The following FANCA variants were observed in gnomAD, a reference collection of about 807,000 sequenced individuals.
FANCA encodes FA complementation group A.
A neutral mutation model predicts 194.3 loss-of-function variants in FANCA; 236 were observed. That is an observed-to-expected ratio of 1.21 (90% confidence interval 1.09 to 1.35). FANCA has a LOEUF of 1.35. Among genes scored for constraint, FANCA ranks in the 40% most tolerant of loss-of-function variants. FANCA has a pLI of 0.00. For missense variants in FANCA, 2,628 were observed against 1,813.9 expected, an observed-to-expected ratio of 1.45 and a Z score of -8.15; for synonymous variants, 1,014 against 715.8, an observed-to-expected ratio of 1.42 and a Z score of -6.65.
chr16:89,755,077 C>G (rs2038723971), intron 30 of FANCA, among the ~76,000 whole-genome samples: 4 of 152,198 alleles, frequency 2.6e-5, no homozygotes, highest in African/African-American at 9.7e-5. Flanking sequence ...AACAAACCCT[C>G]ACACGAGCAG....
intron 15 of FANCA, among the ~76,000 whole-genome samples, chr16:89,783,473 C>A (rs2039791115): frequency 6.6e-6 from 1 of 151,642 alleles, no homozygotes; most frequent in Admixed American, 6.6e-5. Context: ...ATGGCGGGAA[C>A]CCAGGAGGCG....
At chr16:89,814,741 G>T (rs1281940948) in intron 2 of FANCA, 128 bp from the exon 3 acceptor site, 3 of 690,824 alleles carry the variant, frequency 4.3e-6, no homozygotes, top group Non-Finnish European at 7.9e-6. Flanking sequence ...AAGAGTTCGA[G>T]ACCAGCCTGG....
At chr16:89,784,823 G>C (rs1229656041) in intron 15 of FANCA, 31 bp downstream of exon 15, 5 of 1,545,960 alleles carry the variant, frequency 3.2e-6, no homozygotes, top group African/African-American at 1.4e-5. Context: ...CGAAGCACCA[G>C]AAATCATGGA....
intron 14 of FANCA, chr16:89,791,021 GTGTTTTT>G: frequency 4.5e-6 from 1 of 222,692 alleles, no homozygotes; most frequent in African/African-American, 3.6e-5. Context: ...GTGTGTGTGT[GTGTTTTT>G]TTTTTTTTTT....
chr16:89,742,683 C>G, intron 37 of FANCA, 117 bp downstream of exon 37: 1 of 753,842 alleles, frequency 1.3e-6, no homozygotes, highest in Non-Finnish European at 2.1e-6. Context: ...AAAAGTCTTG[C>G]TCCAAGCCAC....
intron 29 of FANCA, 102 bp from the exon 30 acceptor site, chr16:89,758,807 T>A: frequency 1.9e-6 from 3 of 1,563,518 alleles, no homozygotes; most frequent in Non-Finnish European, 2.6e-6. Context: ...ACAGCACTAG[T>A]GAGAGCTGGG....
At position 89,742,842 on chromosome 16, in the gene FANCA, GTT is replaced by G; in HGVS notation, c.3721_3722del (p.Asn1241HisfsTer36). On this transcript the variant is annotated frameshift_variant, in exon 37 of 43. Transcript: ENST00000389301. LOFTEE classifies it high-confidence loss of function. ...HFAIQQVREE[N>X]IRKQLKKLDC... is the part of the protein sequence containing the mutation. ...CCAGCTTCTTTAGCTGCTTCCTGAT[GTT>G]TTCTTCCCTGACTTGTTGAATCGCA... is the stretch of plus-strand genomic sequence containing the variant. The G allele has an allele frequency of 6.2e-7, 1 of 1,614,138 alleles. No individual in the cohort carries two copies. Among genetic ancestry groups the G allele is most frequent in the Non-Finnish European group, 8.5e-7 (1 of 1,180,014 alleles).
intron 38 of FANCA, chr16:89,740,379 C>A: frequency 2.0e-6 from 1 of 507,144 alleles, no homozygotes; most frequent in African/African-American, 1.9e-5. Flanking sequence ...GTGGCTCATG[C>A]CTGTAATCCC....
At chr16:89,799,056 G>C in intron 10 of FANCA, 110 bp downstream of exon 10, 1 of 1,614,254 alleles carries the variant, frequency 6.2e-7, no homozygotes, top group Non-Finnish European at 8.5e-7. Flanking sequence ...GAGGAAGTGT[G>C]CTCAGGAGCG....
chr16:89,737,638 A>G lies in FANCA; in HGVS notation c.*963T>C. On this transcript the variant is annotated 3_prime_UTR_variant, in exon 43 of 43. Transcript: ENST00000389301. ...CACGTGACAGTGTATAAAGCAGTTT[A>G]AAGATCTTAATAAACGAGGCCCTCA... is the stretch of plus-strand genomic sequence containing the variant. The G allele has an allele frequency of 7.5e-7, 1 of 1,329,180 alleles. No individual in the cohort carries two copies. 82.3% of individuals were successfully genotyped at this position (1,329,180 alleles called of 1,614,324 possible).
Position 89,737,855 on chromosome 16 carries a change from G to A in FANCA, c.*746C>T. ...AATGTGGACAAACCTTCAAGCAGCGGAAGCACCTTCTCGTCCACCAAATGC... is the reference window on the plus strand; with the variant it reads ...AATGTGGACAAACCTTCAAGCAGCGAAAGCACCTTCTCGTCCACCAAATGC... On this transcript the variant is annotated 3_prime_UTR_variant, in exon 43 of 43. Transcript: ENST00000389301. 1 of 1,614,204 alleles carries A rather than the reference G, an allele frequency of 6.2e-7. No individual in the cohort carries two copies. The highest frequency in any genetic ancestry group is 8.5e-7 in the Non-Finnish European group (1 of 1,180,046).
intron 10 of FANCA, 114 bp downstream of exon 10, chr16:89,799,052 G>A: frequency 6.2e-7 from 1 of 1,614,276 alleles, no homozygotes; most frequent in Non-Finnish European, 8.5e-7. Flanking sequence ...GGCAGAGGAA[G>A]TGTGCTCAGG....
In FANCA at chr16:89,798,433, A is replaced by G. The variant is rs139494359; in HGVS notation, c.893+733T>C. ...ACAACACATTTAATTGAGCAGTTAA[A>G]CAGTTACTGTGAGGGATGGGAAATG... On this transcript the variant is annotated intron_variant, in intron 10 of 42. Coordinates refer to ENST00000389301, the MANE Select transcript of FANCA (RefSeq NM_000135.4). The G allele has an allele frequency of 6.0e-4, 653 of 1,087,130 alleles. 3 individuals are homozygous for G. The African/African-American group carries it at 0.01, about 17-fold the overall frequency. 67.3% of individuals were successfully genotyped at this position (1,087,130 alleles called of 1,614,324 possible). A position where few individuals can be genotyped will look rare whatever the true frequency, so the allele number is the denominator to read the frequency against.
intron 14 of FANCA, among the ~76,000 whole-genome samples, chr16:89,789,318 A>C (rs566503382): frequency 2.1e-4 from 31 of 151,088 alleles, no homozygotes; most frequent in Admixed American, 4.0e-4. Flanking sequence ...GGGGGGGAGC[A>C]GGCACCGCAG....
In FANCA at chr16:89,737,963, C is replaced by G; in HGVS notation, c.*638G>C. The G allele has an allele frequency of 2.5e-6, 4 of 1,614,124 alleles. No individual in the cohort carries two copies. The highest frequency in any genetic ancestry group is 3.4e-6 in the Non-Finnish European group (4 of 1,179,982). On this transcript the variant is annotated 3_prime_UTR_variant, in exon 43 of 43. Transcript: ENST00000389301. ...GTGGCCCTCGCACCTTCTTATCTGCCTCTGTCCCCCAGGTGTGAGGTCTGT... is the reference window on the plus strand; with the variant it reads ...GTGGCCCTCGCACCTTCTTATCTGCGTCTGTCCCCCAGGTGTGAGGTCTGT...
rs886052478 is a variant in FANCA, at chr16:89,737,750, C to G, written c.*851G>C. 6 of 1,607,306 alleles carry G rather than the reference C, an allele frequency of 3.7e-6. No homozygotes were observed. Among genetic ancestry groups the G allele is most frequent in the Non-Finnish European group, 5.1e-6 (6 of 1,174,862 alleles). On this transcript the variant is annotated 3_prime_UTR_variant, in exon 43 of 43. Coordinates refer to ENST00000389301, the MANE Select transcript of FANCA (RefSeq NM_000135.4). ...GATGGTTTCACATTGTCATCGTCGT[C>G]CCCCCGGGAGGTTGGAGCATCAGGG...
chr16:89,742,797 TG>T lies in FANCA; in HGVS notation c.3765+2del, dbSNP rs2062169104. The T allele has an allele frequency of 6.2e-7, 1 of 1,613,942 alleles. No homozygotes were observed. On this transcript the variant is annotated splice_donor_variant, in intron 37 of 42. Transcript: ENST00000389301. LOFTEE classifies it high-confidence loss of function. The stretch of plus-strand genomic sequence containing the variant: ...AAATCAGTAAAAGAATTTCCTATCT[TG>T]CCTCCTCTCTCTCGCAGTCCAGCTT...
chr16:89,747,561 T>A (rs928415566), intron 33 of FANCA, among the ~76,000 whole-genome samples: 2 of 152,034 alleles, frequency 1.3e-5, no homozygotes, highest in African/African-American at 4.8e-5. Flanking sequence ...TAGCCGGTCA[T>A]GGCGGCAGGC....
chr16:89,810,778 ACT>A lies in FANCA; in HGVS notation c.449_450del (p.Glu150ValfsTer30). On this transcript the variant is annotated frameshift_variant, in exon 5 of 43. Transcript: ENST00000389301. LOFTEE classifies it high-confidence loss of function. Reference sequence around the variant, plus strand: ...CTGTGTGCCAATAAATACTGAGCAAACTCTAACAGGGAAGACAGCTTCTTCTG... The same window carrying A: ...CTGTGTGCCAATAAATACTGAGCAAACTAACAGGGAAGACAGCTTCTTCTG... ...EQRKKLSSLL[E>X]FAQYLLAHSM... The A allele has an allele frequency of 6.2e-7, 1 of 1,613,652 alleles. No individual in the cohort carries two copies. Among genetic ancestry groups the A allele is most frequent in the African/African-American group, 1.3e-5 (1 of 75,024 alleles).
Sources: gnomAD v4.1 joint callset for allele counts (sites outside exome capture counted in the v4.1 genomes callset) on GRCh38, gnomAD v4.1.1 for gene constraint, MANE v1.5 for transcripts, NCBI Gene and HGNC (gene_info 2026-07-23, HGNC 2026-07-21) for gene names.